LMF1: variants seen among roughly 807,000 people sequenced by gnomAD.
LMF1 encodes lipase maturation factor 1.
In LMF1, 68 loss-of-function variants were observed where a neutral mutation model predicts 60.6. The observed-to-expected ratio is 1.12, with a 90% CI of 0.92 to 1.37. The LOEUF (loss-of-function observed/expected upper bound fraction) is 1.37. Among genes scored for constraint, LMF1 ranks in the 40% most tolerant of loss-of-function variants. The probability of loss-of-function intolerance (pLI) is 0.00; values close to 1 mark genes in which losing one functional copy is unlikely to be tolerated. For missense variants in LMF1, 948 were observed against 767.2 expected (o/e 1.24, Z -2.78); for synonymous variants, 418 against 324.7 (o/e 1.29, Z -3.09).
chr16:919,698 G>A (rs1277608468), intron 3 of LMF1, among the ~76,000 whole-genome samples: 1 of 146,220 alleles, frequency 6.8e-6, no homozygotes, highest in Non-Finnish European at 1.5e-5. Flanking sequence ...TGGAGGTCTT[G>A]GGGAGAAAGA....
chr16:976,980 C>T (rs3803698), intron 1 of LMF1: 183,899 of 453,824 alleles, frequency 0.41, 40,282 homozygotes, highest in African/African-American at 0.67. Flanking sequence ...TGGAAATGCT[C>T]GTCCTCCGTG....
chr16:955,159 A>G (rs796468355), intron 1 of LMF1, among the ~76,000 whole-genome samples: 2 of 123,160 alleles, frequency 1.6e-5, no homozygotes, highest in Non-Finnish European at 3.2e-5. Flanking sequence ...GCGTGCCTGC[A>G]GCAGACGCAG....
intron 3 of LMF1, among the ~76,000 whole-genome samples, chr16:921,585 T>C (rs1187795884): frequency 6.6e-6 from 1 of 152,212 alleles, no homozygotes; most frequent in Non-Finnish European, 1.5e-5. Flanking sequence ...ATGACGGGAC[T>C]TTCTGGGGTG....
chr16:964,452 T>C (rs974635810), intron 1 of LMF1, among the ~76,000 whole-genome samples: 2 of 152,204 alleles, frequency 1.3e-5, no homozygotes, highest in African/African-American at 4.8e-5. Flanking sequence ...CTCAGCACAG[T>C]GACCTCAAGT....
At chr16:893,313 C>T (rs1273408866) in intron 4 of LMF1, 1 of 606,460 alleles carries the variant, frequency 1.6e-6, no homozygotes, top group Admixed American at 2.3e-5. Context: ...GCAACAGTGG[C>T]TTCCTTTGCG....
chr16:899,515 T>G (rs2070751444), intron 4 of LMF1: 1 of 152,178 alleles, frequency 6.6e-6, no homozygotes, highest in Non-Finnish European at 1.5e-5. Context: ...AGGGCGGGCC[T>G]GTCAGGGAAA....
chr16:857,110 C>T (rs1352297761), intron 10 of LMF1, among the ~76,000 whole-genome samples: 3 of 152,286 alleles, frequency 2.0e-5, no homozygotes, highest in Admixed American at 1.3e-4. Flanking sequence ...CCTTCCTCCT[C>T]GTCGCTGACC....
At chr16:974,694 C>G (rs1169161595), upstream of LMF1, among the ~76,000 whole-genome samples, 1 of 152,198 alleles carries the variant, frequency 6.6e-6, no homozygotes, top group Non-Finnish European at 1.5e-5. Context: ...GCTGGCCACG[C>G]TCCCAGCAGC....
intron 3 of LMF1, among the ~76,000 whole-genome samples, chr16:916,991 G>C (rs979669530): frequency 6.6e-6 from 1 of 152,226 alleles, no homozygotes; most frequent in African/African-American, 2.4e-5. Context: ...TCTCTGCGCA[G>C]CGAGCTCTGA....
chr16:856,705 G>A (rs1300651819), intron 10 of LMF1, among the ~76,000 whole-genome samples: 2 of 152,250 alleles, frequency 1.3e-5, no homozygotes, highest in East Asian at 1.9e-4. Context: ...AGGTTGGTGG[G>A]AAGGGGCCCC....
intron 3 of LMF1, among the ~76,000 whole-genome samples, chr16:919,896 G>A (rs889842680): frequency 1.3e-5 from 2 of 152,076 alleles, no homozygotes; most frequent in South Asian, 2.1e-4. Flanking sequence ...CCCTTCCTCC[G>A]AGGCAGTCAG....
chr16:900,500 TTTC>T (rs2070778823), intron 4 of LMF1: 1 of 152,078 alleles, frequency 6.6e-6, no homozygotes, highest in Non-Finnish European at 1.5e-5. Flanking sequence ...ATTATTTTCT[TTTC>T]TTTTTTCTTT....
chr16:891,879 A>T, intron 5 of LMF1, among the ~76,000 whole-genome samples: 1 of 151,326 alleles, frequency 6.6e-6, no homozygotes, highest in Non-Finnish European at 1.5e-5. Flanking sequence ...CTGTGTTGGG[A>T]CCATCCAGCC....
intron 3 of LMF1, among the ~76,000 whole-genome samples, chr16:919,450 G>A (rs2071369777): frequency 1.3e-5 from 2 of 152,164 alleles, no homozygotes; most frequent in Non-Finnish European, 2.9e-5. Flanking sequence ...GCCCCCCTGG[G>A]AAAGCTCATA....
At chr16:972,480 TGG>T (rs2073068890), upstream of LMF1, among the ~76,000 whole-genome samples, 1 of 152,126 alleles carries the variant, frequency 6.6e-6, no homozygotes, top group Non-Finnish European at 1.5e-5. Context: ...CCTCGTGACC[TGG>T]GGGCCAGCTT....
intron 10 of LMF1, among the ~76,000 whole-genome samples, chr16:859,804 A>G (rs66534936): frequency 1 from 30,378 of 30,430 alleles, 15,165 homozygotes; most frequent in Middle Eastern, 1. Flanking sequence ...TGATGTCACG[A>G]GATGGGTGTG....
At chr16:970,647 C>T in intron 1 of LMF1, 141 bp downstream of exon 1, 1 of 772,554 alleles carries the variant, frequency 1.3e-6, no homozygotes, top group Non-Finnish European at 2.0e-6. Context: ...CCCGCCCCGC[C>T]TTGCCCGGGC....
At position 876,491 on chromosome 16, in the gene LMF1, T is replaced by C. The variant is rs915088568; in HGVS notation, c.897+3079A>G. ...TTGGCAACAGTTTATCAGTCCTGCC[T>C]ATCAACTATACAAGGTCCTGGCCGA... On this transcript the variant is annotated intron_variant, in intron 6 of 10. Coordinates refer to ENST00000262301, the MANE Select transcript of LMF1 (RefSeq NM_022773.4). 3.3e-5 allele frequency among the ~76,000 whole-genome samples: 5 copies of C among 152,154 alleles called. No homozygotes were observed. The East Asian group carries it at 9.6e-4, about 29-fold the overall frequency.
intron 4 of LMF1, chr16:904,053 TGGTGGTGA>T: frequency 5.8e-6 from 1 of 173,614 alleles, no homozygotes; most frequent in African/African-American, 3.7e-5. Flanking sequence ...CTCTGCTGCG[TGGTGGTGA>T]CCTCTGCACT....
Sources: allele counts gnomAD v4.1 joint callset (sites outside exome capture counted in the v4.1 genomes callset), GRCh38; gene constraint gnomAD v4.1.1; transcripts MANE v1.5; gene names NCBI Gene and HGNC (gene_info 2026-07-23, HGNC 2026-07-21).